The following VPS13A variants were observed in gnomAD, a reference collection of about 807,000 sequenced individuals.
The protein encoded by VPS13A is vacuolar protein sorting 13 homolog A.
Under a neutral mutation model 390.9 loss-of-function variants are expected in VPS13A, and 264 were observed. The ratio of observed to expected loss-of-function variants is 0.68; its 90% CI spans 0.61 to 0.75. The LOEUF (loss-of-function observed/expected upper bound fraction) is 0.75, where lower values mean the gene tolerates loss of function less well. VPS13A is among the 30% of genes least tolerant of loss of function. The pLI is 0.00. For missense variants in VPS13A, 3,409 were observed against 3,733.9 expected (o/e 0.91, Z 2.27); for synonymous variants, 1,231 against 1,227.1 (o/e 1.00, Z -0.07).
chr9:77,414,109 G>A (rs1347828224), intron 71 of VPS13A, among the ~76,000 whole-genome samples: 3 of 152,192 alleles, frequency 2.0e-5, no homozygotes, highest in East Asian at 3.8e-4. Context: ...GAGAGGATGT[G>A]GAGAAATAGG....
In VPS13A at chr9:77,280,170, A is replaced by C. The variant is rs745727723; in HGVS notation, c.2836A>C (p.Lys946Gln). 6.2e-7 allele frequency: 1 copy of C among 1,609,732 alleles called. No homozygotes were observed. Among genetic ancestry groups the C allele is most frequent in the East Asian group, 2.2e-5 (1 of 44,686 alleles). The change falls in exon 27 of 72, where the codon AAA (lysine) becomes CAA (glutamine). Residue 946 changes from lysine (K) to glutamine (Q), a missense_variant. By Grantham distance (53) the Lys-to-Gln change is moderately conservative (BLOSUM62 1). Transcript: ENST00000360280. ...AAAATTATTTTTAGATGAAAACAAG[A>C]AACCAGTTTATTTGGTTACAACCCT... is the stretch of plus-strand genomic sequence containing the variant. The part of the protein sequence containing the change: ...KCPEYLDENK[K>Q]PVYLVTTLDN...
At chr9:77,388,802 A>C (rs1003849419) in intron 68 of VPS13A, among the ~76,000 whole-genome samples, 2 of 152,192 alleles carry the variant, frequency 1.3e-5, no homozygotes, top group African/African-American at 4.8e-5. Context: ...ATAAATTATC[A>C]TTTATCAGTA....
chr9:77,255,783 G>C (rs542521247), intron 22 of VPS13A, among the ~76,000 whole-genome samples: 1 of 152,038 alleles, frequency 6.6e-6, no homozygotes, highest in South Asian at 2.1e-4. Context: ...CCATTTGTTG[G>C]TGTAAAATTG....
rs779798937 is a variant in VPS13A at position 77,227,423 on chromosome 9, G to C, written c.1390G>C (p.Ala464Pro). ...AGAAATGTTGACACCTGAAGAAAAA[G>C]CTTTACTCTATGAAGCAATTGGCTA... ...LEEMLTPEEKALLYEAIGYSE... is the reference protein window; with the variant it reads ...LEEMLTPEEKPLLYEAIGYSE... The change falls in exon 16 of 72, where the codon GCT becomes CCT. Residue 464 changes from alanine (A) to proline (P), a missense_variant. This residue lies in a region of VPS13A where 2,717 missense variants were observed against 2,917.4 expected (regional missense o/e 0.93). Coordinates refer to ENST00000360280, the MANE Select transcript of VPS13A (RefSeq NM_033305.3). 6.2e-7 allele frequency: 1 copy of C among 1,613,406 alleles called. No individual in the cohort carries two copies. The highest frequency in any genetic ancestry group is 8.5e-7 in the Non-Finnish European group (1 of 1,179,776).
intron 5 of VPS13A, among the ~76,000 whole-genome samples, chr9:77,207,321 A>G (rs997355532): frequency 1.4e-5 from 2 of 145,140 alleles, no homozygotes; most frequent in Non-Finnish European, 3.0e-5. Flanking sequence ...CATATAATTA[A>G]TGACATTACA....
intron 2 of VPS13A, among the ~76,000 whole-genome samples, chr9:77,201,140 T>A (rs1327041230): frequency 6.6e-6 from 1 of 152,156 alleles, no homozygotes; most frequent in Non-Finnish European, 1.5e-5. Flanking sequence ...ACTGTAGACC[T>A]TTATCCCCAA....
intron 71 of VPS13A, among the ~76,000 whole-genome samples, chr9:77,410,261 C>T (rs1834855562): frequency 6.6e-6 from 1 of 152,042 alleles, no homozygotes; most frequent in Admixed American, 6.6e-5. Flanking sequence ...ATTTTGTCAC[C>T]ACCAGGCCTG....
chr9:77,192,321 G>A (rs1824734331), intron 1 of VPS13A, among the ~76,000 whole-genome samples: 1 of 152,128 alleles, frequency 6.6e-6, no homozygotes. Context: ...CTTTGAAGTG[G>A]GATGTTTAGC....
chr9:77,314,844 A>G (rs144741237), intron 37 of VPS13A, among the ~76,000 whole-genome samples, 180 bp downstream of exon 37: 86 of 152,286 alleles, frequency 5.6e-4, no homozygotes, highest in Non-Finnish European at 1.8e-4. Context: ...GTTATGTACT[A>G]TTCTTACTGG....
At chr9:77,210,181 CTCTTTCTCTT>C (rs1433941330) in intron 6 of VPS13A, among the ~76,000 whole-genome samples, 5 of 122,916 alleles carry the variant, frequency 4.1e-5, no homozygotes, top group African/African-American at 1.6e-4. Context: ...CTCTCTCTCT[CTCTTTCTCTT>C]TCTCTCTTTC....
At chr9:77,257,757 A>T (rs1825529556) in intron 22 of VPS13A, among the ~76,000 whole-genome samples, 1 of 152,126 alleles carries the variant, frequency 6.6e-6, no homozygotes, top group African/African-American at 2.4e-5. Flanking sequence ...CAAAAATTTT[A>T]AAAAGTGAAA....
chr9:77,296,271 C>A (rs1363858977), intron 33 of VPS13A, among the ~76,000 whole-genome samples: 1 of 152,140 alleles, frequency 6.6e-6, no homozygotes, highest in Non-Finnish European at 1.5e-5. Flanking sequence ...TAGCATACAA[C>A]CTTATTCGTT....
intron 54 of VPS13A, among the ~76,000 whole-genome samples, chr9:77,355,986 A>C (rs897911018): frequency 6.6e-6 from 1 of 152,176 alleles, no homozygotes; most frequent in African/African-American, 2.4e-5. Flanking sequence ...GTGTATTCTT[A>C]ACGAAATGTA....
chr9:77,205,107 C>T (rs535728099), intron 3 of VPS13A, among the ~76,000 whole-genome samples: 1 of 152,038 alleles, frequency 6.6e-6, no homozygotes, highest in Non-Finnish European at 1.5e-5. Context: ...TCCAACAGTA[C>T]TGATATAAAT....
chr9:77,323,262 A>T, intron 45 of VPS13A, 35 bp downstream of exon 45: 1 of 1,608,260 alleles, frequency 6.2e-7, no homozygotes. Context: ...ATGTCCTGTT[A>T]TGCATATCTG....
chr9:77,360,496 TTGA>T, intron 58 of VPS13A, 37 bp from the exon 59 acceptor site: 1 of 1,422,360 alleles, frequency 7.0e-7, no homozygotes, highest in Non-Finnish European at 9.9e-7. Context: ...CAGTTGTTAA[TTGA>T]TGATTTTTAA....
At chr9:77,388,288 G>T (rs72748223) in intron 68 of VPS13A, among the ~76,000 whole-genome samples, 13,333 of 152,170 alleles carry the variant, frequency 0.088, 685 homozygotes, top group East Asian at 0.14. Context: ...AAAGTACAGT[G>T]AGTACAGCCA....
Position 77,416,074 on chromosome 9 carries a change from G to T in VPS13A, c.*68G>T. On this transcript the variant is annotated 3_prime_UTR_variant, in exon 72 of 72. Transcript: ENST00000360280. ...GCTCCTAGACTACCTTCCAAAACCT[G>T]TTTGGGAAGCATATTACAGAAATGA... 6.4e-7 allele frequency: 1 copy of T among 1,552,492 alleles called. No individual in the cohort carries two copies. The highest frequency in any genetic ancestry group is 8.9e-7 in the Non-Finnish European group (1 of 1,124,922).
intron 12 of VPS13A, 65 bp from the exon 13 acceptor site, chr9:77,221,120 G>A: frequency 6.9e-6 from 10 of 1,456,224 alleles, no homozygotes; most frequent in Non-Finnish European, 9.6e-6. Flanking sequence ...TAGAGTAGAA[G>A]CAATGTCAGT....
Sources: allele counts gnomAD v4.1 joint callset (sites outside exome capture counted in the v4.1 genomes callset), GRCh38; gene constraint gnomAD v4.1.1; regional missense constraint gnomAD v4.1.1; transcripts MANE v1.5; gene names NCBI Gene and HGNC (gene_info 2026-07-23, HGNC 2026-07-21).